The following SIPA1L3 variants were observed in gnomAD, a reference collection of about 807,000 sequenced individuals.
SIPA1L3 encodes the protein signal induced proliferation associated 1 like 3.
Under a neutral mutation model 150.1 loss-of-function variants are expected in SIPA1L3, and 59 were observed. The observed-to-expected ratio is 0.39, with a 90% CI of 0.32 to 0.49. The LOEUF (loss-of-function observed/expected upper bound fraction) is 0.49. SIPA1L3 is among the 20% of genes least tolerant of loss of function. The probability of loss-of-function intolerance (pLI) is 0.86; values close to 1 mark genes in which losing one functional copy is unlikely to be tolerated. For missense variants in SIPA1L3, 2,211 were observed against 2,489.5 expected (o/e 0.89, Z 2.38); for synonymous variants, 1,070 against 1,077.6 (o/e 0.99, Z 0.14).
At chr19:38,126,865 C>A (rs968760522) in intron 9 of SIPA1L3, among the ~76,000 whole-genome samples, 9 of 151,984 alleles carry the variant, frequency 5.9e-5, no homozygotes, top group African/African-American at 1.9e-4. Flanking sequence ...TAGAAAATTG[C>A]AAGCATACAC....
At chr19:38,178,072 T>C (rs1972475113) in intron 15 of SIPA1L3, among the ~76,000 whole-genome samples, 1 of 144,166 alleles carries the variant, frequency 6.9e-6, no homozygotes, top group African/African-American at 2.6e-5. Flanking sequence ...CTGTGTGTGC[T>C]TGTGCAGGCT....
At chr19:37,933,913 A>T (rs940193505) in intron 1 of SIPA1L3, among the ~76,000 whole-genome samples, 1 of 152,036 alleles carries the variant, frequency 6.6e-6, no homozygotes, top group Non-Finnish European at 1.5e-5. Context: ...ACCCATATAC[A>T]CACATCTCAT....
chr19:37,924,703 C>T (rs1050229565), intron 1 of SIPA1L3, among the ~76,000 whole-genome samples: 3 of 148,556 alleles, frequency 2.0e-5, no homozygotes, highest in Non-Finnish European at 4.5e-5. Flanking sequence ...AGTATATATA[C>T]TAAATATGTA....
intron 1 of SIPA1L3, among the ~76,000 whole-genome samples, chr19:37,991,412 C>T (rs2145635955): frequency 6.6e-6 from 1 of 152,346 alleles, no homozygotes; most frequent in Non-Finnish European, 1.5e-5. Flanking sequence ...GAGGAAGGCC[C>T]TGCCAGCATG....
intron 9 of SIPA1L3, among the ~76,000 whole-genome samples, chr19:38,125,685 G>A (rs1434714174): frequency 6.6e-6 from 1 of 152,106 alleles, no homozygotes; most frequent in Non-Finnish European, 1.5e-5. Flanking sequence ...GCACCCACAG[G>A]GTACAGATTC....
chr19:38,202,699 TCTC>T (rs1235905386), intron 20 of SIPA1L3, among the ~76,000 whole-genome samples: 1 of 152,142 alleles, frequency 6.6e-6, no homozygotes, highest in African/African-American at 2.4e-5. Context: ...TGCTCCTTCG[TCTC>T]CTCCTCTGCA....
chr19:38,056,733 CCT>C (rs1969323865), intron 2 of SIPA1L3, among the ~76,000 whole-genome samples: 2 of 151,964 alleles, frequency 1.3e-5, no homozygotes, highest in Admixed American at 6.6e-5. Context: ...TTTTTTTCCC[CCT>C]GATTTTGAAA....
chr19:38,190,607 C>G (rs1972787131), intron 16 of SIPA1L3, among the ~76,000 whole-genome samples: 1 of 152,196 alleles, frequency 6.6e-6, no homozygotes, highest in Non-Finnish European at 1.5e-5. Flanking sequence ...CATCTTATTT[C>G]TTCCCCAGGT....
At chr19:38,131,358 C>T (rs1971302234) in intron 10 of SIPA1L3, among the ~76,000 whole-genome samples, 1 of 152,196 alleles carries the variant, frequency 6.6e-6, no homozygotes, top group Non-Finnish European at 1.5e-5. Flanking sequence ...CACAGGGAGG[C>T]AGCCATGTGG....
intron 2 of SIPA1L3, among the ~76,000 whole-genome samples, chr19:38,080,925 A>C (rs1333469573): frequency 6.6e-6 from 1 of 151,652 alleles, no homozygotes; most frequent in African/African-American, 2.4e-5. Flanking sequence ...AGCCAAGCAC[A>C]TGCCACTGCA....
chr19:38,102,799 T>G (rs1970535579), intron 6 of SIPA1L3, among the ~76,000 whole-genome samples: 1 of 150,626 alleles, frequency 6.6e-6, no homozygotes, highest in African/African-American at 2.4e-5. Context: ...GCCACTACAC[T>G]CCAGCCCGGA....
rs769836359 is a variant in SIPA1L3 at position 38,101,213 on chromosome 19, G to A, written c.2016G>A (p.Gln672=). 11 of 1,571,052 alleles carry A rather than the reference G, an allele frequency of 7.0e-6. No individual in the cohort carries two copies. In the East Asian group the frequency reaches 2.3e-4, roughly 33 times the overall value. ...AGGGCTTCACCAAGTACGCTGCCCA[G>A]CTGGACGTCAAGAGTAAGTAGGGGG... ...CLKGFTKYAA[Q]LDVKTDSTGT... Residue 672 remains glutamine, a synonymous_variant, in exon 6 of 22, where the codon CAG becomes CAA. Transcript: ENST00000222345.
At chr19:38,112,110 C>T (rs1005074531) in intron 8 of SIPA1L3, among the ~76,000 whole-genome samples, 4 of 151,350 alleles carry the variant, frequency 2.6e-5, no homozygotes, top group African/African-American at 7.3e-5. Context: ...CATGCACACA[C>T]ATACATGCAC....
At chr19:38,173,874 T>C (rs1972383302) in intron 15 of SIPA1L3, among the ~76,000 whole-genome samples, 1 of 151,244 alleles carries the variant, frequency 6.6e-6, no homozygotes, top group East Asian at 1.9e-4. Flanking sequence ...AAGGTAGCAG[T>C]GTTTCTGATG....
chr19:37,970,748 A>G lies in SIPA1L3; in HGVS notation c.-378-58341A>G, dbSNP rs536631195. On this transcript the variant is annotated intron_variant, in intron 1 of 21. Transcript: ENST00000222345. ...AGTCATTGGGTAAAGCAAACATGCT[A>G]GAGAGTCACAACTACCTTCACGTTC... Among the ~76,000 whole-genome samples, 11 of 152,346 alleles carry G rather than the reference A, an allele frequency of 7.2e-5. No homozygotes were observed. The South Asian group carries it at 2.1e-3, about 29-fold the overall frequency.
intron 13 of SIPA1L3, among the ~76,000 whole-genome samples, chr19:38,158,963 T>C (rs1972012424): frequency 6.6e-6 from 1 of 152,320 alleles, no homozygotes; most frequent in African/African-American, 2.4e-5. Flanking sequence ...TTGTCCGTTG[T>C]CTGTGGTTTT....
At chr19:38,098,090 A>G (rs1043445877) in intron 4 of SIPA1L3, among the ~76,000 whole-genome samples, 1 of 152,240 alleles carries the variant, frequency 6.6e-6, no homozygotes. Context: ...TTATTACTAT[A>G]GTACCTGGAG....
intron 1 of SIPA1L3, 147 bp downstream of exon 1, chr19:37,907,505 A>C (rs2046344276): frequency 6.6e-6 from 1 of 152,338 alleles, no homozygotes; most frequent in East Asian, 1.9e-4. Flanking sequence ...CGCCCTCCGG[A>C]CCCAGCCGGA....
At chr19:38,094,106 A>T (rs534626039) in intron 4 of SIPA1L3, among the ~76,000 whole-genome samples, 86 of 152,362 alleles carry the variant, frequency 5.6e-4, no homozygotes, top group African/African-American at 1.9e-3. Flanking sequence ...TTTTATTTAA[A>T]AAGTACCAAA....
Sources: gnomAD v4.1 joint callset for allele counts (sites outside exome capture counted in the v4.1 genomes callset) on GRCh38, gnomAD v4.1.1 for gene constraint, MANE v1.5 for transcripts, NCBI Gene and HGNC (gene_info 2026-07-23, HGNC 2026-07-21) for gene names.